LNX2: variants seen among roughly 807,000 people sequenced by gnomAD.
LNX2 encodes ligand of Numb protein X 2.
LNX2 carries 35 observed loss-of-function variants against 66.2 expected under a neutral mutation model. The ratio of observed to expected loss-of-function variants is 0.53; its 90% CI spans 0.40 to 0.70. The LOEUF (loss-of-function observed/expected upper bound fraction) is 0.70. Ranked by LOEUF, LNX2 falls within the 30% of genes least tolerant of loss-of-function variation. The pLI is 0.00. For missense variants in LNX2, 791 were observed against 850.8 expected (o/e 0.93, Z 0.87); for synonymous variants, 337 against 315.6 (o/e 1.07, Z -0.72).
intron 1 of LNX2, among the ~76,000 whole-genome samples, chr13:27,590,134 TAG>T (rs1262364233): frequency 6.6e-6 from 1 of 152,156 alleles, no homozygotes; most frequent in East Asian, 1.9e-4. Flanking sequence ...GTATTTTTAG[TAG>T]AGACGGGGTT....
intron 7 of LNX2, among the ~76,000 whole-genome samples, chr13:27,554,646 T>C (rs368769338): frequency 1.1e-4 from 16 of 152,318 alleles, no homozygotes; most frequent in African/African-American, 3.6e-4. Flanking sequence ...TGATGGACAT[T>C]TGAGTGGTTT....
intron 3 of LNX2, 134 bp from the exon 4 acceptor site, chr13:27,567,973 T>C: frequency 1.4e-6 from 1 of 735,668 alleles, no homozygotes; most frequent in East Asian, 2.7e-5. Flanking sequence ...TATCACTGGA[T>C]AAGAAACAAA....
At chr13:27,561,146 G>A (rs1298587457) in intron 5 of LNX2, among the ~76,000 whole-genome samples, 7 of 151,954 alleles carry the variant, frequency 4.6e-5, no homozygotes, top group African/African-American at 1.7e-4. Context: ...ATATGATCAC[G>A]GACAATTTAA....
At chr13:27,574,215 C>T (rs1281479610) in intron 2 of LNX2, among the ~76,000 whole-genome samples, 6 of 152,158 alleles carry the variant, frequency 3.9e-5, no homozygotes, top group South Asian at 2.1e-4. Flanking sequence ...GACGCCAAGG[C>T]GGGTGGATCA....
At position 27,592,831 on chromosome 13, in the gene LNX2, CA is replaced by C. The variant is rs369349486; in HGVS notation, c.-100-11029del. On this transcript the variant is annotated intron_variant, in intron 1 of 9. Coordinates refer to ENST00000316334, the MANE Select transcript of LNX2 (RefSeq NM_153371.4). The stretch of plus-strand genomic sequence containing the variant: ...AGGAAGAAGAAATAATCAACTGTGT[CA>C]AATCCTGTAAGCAAGTAAAATAAGA... Among the ~76,000 whole-genome samples the C allele has an allele frequency of 6.0e-4, 91 of 152,266 alleles. No homozygotes were observed. In the South Asian group the frequency reaches 0.012, roughly 20 times the overall value.
Position 27,550,430 on chromosome 13 carries a change from T to C in LNX2, c.1840A>G (p.Ser614Gly). The C allele has an allele frequency of 3.7e-6, 6 of 1,614,006 alleles. No individual in the cohort carries two copies. Among genetic ancestry groups the C allele is most frequent in the Non-Finnish European group, 5.1e-6 (6 of 1,179,892 alleles). The change falls in exon 9 of 10, where the codon AGT becomes GGT. Residue 614 changes from serine to glycine, a missense_variant. Transcript: ENST00000316334. ...TTCTCTTCATATCCACCAACGATACTAAAGCCCCAACTTCCCAAGTAACTT... is the reference window on the plus strand; with the variant it reads ...TTCTCTTCATATCCACCAACGATACCAAAGCCCCAACTTCCCAAGTAACTT... The part of the protein sequence containing the change: ...RRSYLGSWGF[S>G]IVGGYEENHT...
At chr13:27,586,001 CTT>C (rs35109641) in intron 1 of LNX2, among the ~76,000 whole-genome samples, 15,733 of 104,594 alleles carry the variant, frequency 0.15, 1,015 homozygotes, top group Middle Eastern at 0.2. Context: ...TATATATACA[CTT>C]ATATATATAT....
intron 4 of LNX2, among the ~76,000 whole-genome samples, chr13:27,564,367 ATT>A (rs61048432): frequency 0.4 from 58,938 of 146,874 alleles, 11,662 homozygotes; most frequent in Middle Eastern, 0.49. Context: ...AGCTAAATGT[ATT>A]TTTTTATCAA....
Position 27,584,122 on chromosome 13 carries a change from C to T in LNX2, c.-100-2319G>A, listed in dbSNP as rs571803705. Among the ~76,000 whole-genome samples the T allele has an allele frequency of 4.6e-5, 7 of 152,288 alleles. No homozygotes were observed. The South Asian group carries it at 6.2e-4, about 14-fold the overall frequency. On this transcript the variant is annotated intron_variant, in intron 1 of 9. Transcript: ENST00000316334. ...AAGGGAGGGGAATTCTAGAACTTAG[C>T]GTGCCTGCCACAAGAACCTTAAGAG...
chr13:27,614,836 G>A (rs1311731368), intron 1 of LNX2, among the ~76,000 whole-genome samples: 1 of 152,042 alleles, frequency 6.6e-6, no homozygotes, highest in Non-Finnish European at 1.5e-5. Context: ...GGGGTGGCAG[G>A]TATAAATATT....
chr13:27,586,870 G>A lies in LNX2; in HGVS notation c.-100-5067C>T, dbSNP rs1955492847. On this transcript the variant is annotated intron_variant, in intron 1 of 9. Coordinates refer to ENST00000316334, the MANE Select transcript of LNX2 (RefSeq NM_153371.4). ...TACAACACATTTAAAATAATATCTT[G>A]AAAAACAGCCAGTGCAATAGGAAGG... Among the ~76,000 whole-genome samples the A allele has an allele frequency of 2.0e-5, 3 of 152,198 alleles. No homozygotes were observed. In the South Asian group the frequency reaches 6.2e-4, roughly 32 times the overall value.
chr13:27,581,803 T>C lies in LNX2; in HGVS notation c.-100A>G, dbSNP rs1356044678. 2 of 942,152 alleles carry C rather than the reference T, an allele frequency of 2.1e-6. No individual in the cohort carries two copies. Among genetic ancestry groups the C allele is most frequent in the Non-Finnish European group, 3.1e-6 (2 of 638,940 alleles). The allele number at this position is 942,152 out of a possible 1,614,324, so 58.4% of individuals were successfully genotyped here. ...TCTGACTAAAGTCAAGGTGTGTTTT[T>C]CTAGATAAGCAAAACAAACACATTA... On this transcript the variant is annotated splice_region_variant and 5_prime_UTR_variant, in exon 2 of 10. Coordinates refer to ENST00000316334, the MANE Select transcript of LNX2 (RefSeq NM_153371.4).
chr13:27,600,577 C>G (rs952891145), intron 1 of LNX2, among the ~76,000 whole-genome samples: 3 of 152,116 alleles, frequency 2.0e-5, no homozygotes, highest in Admixed American at 2.0e-4. Flanking sequence ...CTTTCAGCTG[C>G]AAATGATGGA....
intron 1 of LNX2, among the ~76,000 whole-genome samples, chr13:27,593,563 C>CTTTTT (rs35280780): frequency 7.8e-5 from 9 of 115,548 alleles, no homozygotes; most frequent in East Asian, 2.4e-4. Context: ...CTGGCTGAAA[C>CTTTTT]TTTTTTTTTT....
At chr13:27,552,802 T>G (rs1955020533) in intron 8 of LNX2, among the ~76,000 whole-genome samples, 1 of 152,138 alleles carries the variant, frequency 6.6e-6, no homozygotes, top group South Asian at 2.1e-4. Flanking sequence ...TTAGCGAGAG[T>G]TAAAATAAAT....
rs1438646178 is a variant in LNX2 at position 27,546,137 on chromosome 13, T to C, written c.*2198A>G. The C allele has an allele frequency of 2.6e-5, 4 of 152,218 alleles. No homozygotes were observed. Among genetic ancestry groups the C allele is most frequent in the Admixed American group, 6.5e-5 (1 of 15,286 alleles). 9.4% of individuals were successfully genotyped at this position (152,218 alleles called of 1,614,324 possible). On this transcript the variant is annotated 3_prime_UTR_variant, in exon 10 of 10. Coordinates refer to ENST00000316334, the MANE Select transcript of LNX2 (RefSeq NM_153371.4). ...GACCAAAAATGACTGTCTTTTGTCA[T>C]AAAAGCTACAGCTTAAGCTGATTCC...
At chr13:27,583,239 TGTGTGTGTGTGTGTGTGC>T (rs1955435517) in intron 1 of LNX2, among the ~76,000 whole-genome samples, 2 of 17,696 alleles carry the variant, frequency 1.1e-4, no homozygotes, top group Admixed American at 6.1e-4. Flanking sequence ...TGTGTGTGTG[TGTGTGTGTGTGTGTGTGC>T]GCGCGTCCTC....
At chr13:27,607,676 C>A (rs1477668917) in intron 1 of LNX2, among the ~76,000 whole-genome samples, 1 of 152,156 alleles carries the variant, frequency 6.6e-6, no homozygotes, top group African/African-American at 2.4e-5. Context: ...TCCTGAAAGT[C>A]CAAATTATCT....
chr13:27,608,515 C>T (rs1422082475), intron 1 of LNX2, among the ~76,000 whole-genome samples: 2 of 152,052 alleles, frequency 1.3e-5, no homozygotes. Context: ...CTACATTAAG[C>T]ATGTATTAAT....
Sources: gnomAD v4.1 joint callset for allele counts (sites outside exome capture counted in the v4.1 genomes callset) on GRCh38, gnomAD v4.1.1 for gene constraint, MANE v1.5 for transcripts, NCBI Gene and HGNC (gene_info 2026-07-23, HGNC 2026-07-21) for gene names.